The following SGIP1 variants were observed in gnomAD, a reference collection of about 807,000 sequenced individuals.
The protein encoded by SGIP1 is SH3-containing GRB2-like protein 3-interacting protein 1.
A neutral mutation model predicts 107.5 loss-of-function variants in SGIP1; 38 were observed. The observed-to-expected ratio is 0.35, with a 90% CI of 0.27 to 0.46. SGIP1 has a LOEUF of 0.46. Ranked by LOEUF, SGIP1 falls within the 20% of genes least tolerant of loss-of-function variation. The pLI, the probability that SGIP1 is intolerant of heterozygous loss-of-function variation, is 1.00. For synonymous variants in SGIP1, 365 were observed against 366.1 expected, an observed-to-expected ratio of 1.00 and a Z score of 0.03; for missense variants, 929 against 1,019.5, an observed-to-expected ratio of 0.91 and a Z score of 1.21.
chr1:66,637,349 C>T (rs17129226), intron 4 of SGIP1, among the ~76,000 whole-genome samples: 20,913 of 151,756 alleles, frequency 0.14, 1,491 homozygotes, highest in African/African-American at 0.16. Flanking sequence ...AGGCTCTGGC[C>T]TAACTTTAAC....
intron 17 of SGIP1, among the ~76,000 whole-genome samples, chr1:66,693,283 T>TAAATAAATAAATAAATAAAA (rs1466957413): frequency 1.3e-5 from 2 of 151,194 alleles, no homozygotes; most frequent in African/African-American, 4.8e-5. Context: ...AATAAATAAA[T>TAAATAAATAAATAAATAAAA]AAAAAACAGT....
rs144438967 is a variant in SGIP1, at chr1:66,700,770, C to T, written c.1630+5277C>T. Reference sequence around the variant, plus strand: ...ACCATACAGTGCTATAGAATACTAACATTTAGTCCTCCTATCTAGTTGTAA... The same window carrying T: ...ACCATACAGTGCTATAGAATACTAATATTTAGTCCTCCTATCTAGTTGTAA... On this transcript the variant is annotated intron_variant, in intron 18 of 24. Coordinates refer to ENST00000371037, the MANE Select transcript of SGIP1 (RefSeq NM_032291.4). Among the ~76,000 whole-genome samples the T allele has an allele frequency of 3.3e-3, 498 of 152,114 alleles. 3 individuals carry two copies. The highest frequency in any genetic ancestry group is 0.011 in the African/African-American group (470 of 41,510).
intron 8 of SGIP1, chr1:66,666,008 G>C (rs1166464368): frequency 6.6e-6 from 1 of 152,178 alleles, no homozygotes; most frequent in Non-Finnish European, 1.5e-5. Flanking sequence ...GGCTTTTGTT[G>C]TCATTACTTT....
At chr1:66,602,516 T>C (rs1483151874) in intron 1 of SGIP1, among the ~76,000 whole-genome samples, 3 of 152,172 alleles carry the variant, frequency 2.0e-5, no homozygotes, top group African/African-American at 7.2e-5. Flanking sequence ...ATGATTGTTA[T>C]GGAGAACAAA....
chr1:66,654,115 C>T lies in SGIP1; in HGVS notation c.460-6398C>T, dbSNP rs955104546. ...ATTGTCTGGGTGGATGGATGCACCA[C>T]GGGACATTATATAAAATGTATGCCG... On this transcript the variant is annotated intron_variant, in intron 7 of 24. Coordinates refer to ENST00000371037, the MANE Select transcript of SGIP1 (RefSeq NM_032291.4). 4.6e-5 allele frequency among the ~76,000 whole-genome samples: 7 copies of T among 152,066 alleles called. 1 individual carries two copies. In the South Asian group the frequency reaches 1.2e-3, roughly 27 times the overall value.
At chr1:66,542,560 G>A (rs1328877029) in intron 1 of SGIP1, among the ~76,000 whole-genome samples, 1 of 152,188 alleles carries the variant, frequency 6.6e-6, no homozygotes, top group Non-Finnish European at 1.5e-5. Flanking sequence ...AGGTAGTGTA[G>A]ACAGCGTGGA....
intron 1 of SGIP1, among the ~76,000 whole-genome samples, chr1:66,537,479 T>A (rs1422019146): frequency 6.6e-6 from 1 of 152,180 alleles, no homozygotes; most frequent in Non-Finnish European, 1.5e-5. Flanking sequence ...TAACTGGAAC[T>A]AAGTCAGAGT....
At chr1:66,732,439 CA>C (rs1479745246) in intron 20 of SGIP1, among the ~76,000 whole-genome samples, 1 of 152,116 alleles carries the variant, frequency 6.6e-6, no homozygotes, top group Non-Finnish European at 1.5e-5. Flanking sequence ...TGAAAAGGGG[CA>C]AAGTCTTAAG....
At chr1:66,666,768 CTGTT>C (rs1261045066) in intron 8 of SGIP1, 1 of 152,216 alleles carries the variant, frequency 6.6e-6, no homozygotes, top group Non-Finnish European at 1.5e-5. Context: ...ATTTGGCTCT[CTGTT>C]TGTCTGTTAT....
chr1:66,582,389 A>G (rs751707546), intron 1 of SGIP1, among the ~76,000 whole-genome samples: 3 of 152,062 alleles, frequency 2.0e-5, no homozygotes, highest in Non-Finnish European at 4.4e-5. Context: ...TACCAGGGAT[A>G]CTTTGTATGA....
intron 7 of SGIP1, among the ~76,000 whole-genome samples, chr1:66,657,242 G>A (rs897618325): frequency 2.0e-5 from 3 of 152,100 alleles, no homozygotes; most frequent in Non-Finnish European, 2.9e-5. Flanking sequence ...CTATTTTTAA[G>A]GTTCAATGAT....
chr1:66,718,858 C>G (rs1054919896), intron 18 of SGIP1, among the ~76,000 whole-genome samples: 1 of 151,976 alleles, frequency 6.6e-6, no homozygotes, highest in Non-Finnish European at 1.5e-5. Context: ...TAATGTGATA[C>G]CACTTGGCTG....
At chr1:66,647,014 C>T (rs1323513156) in intron 7 of SGIP1, among the ~76,000 whole-genome samples, 1 of 152,168 alleles carries the variant, frequency 6.6e-6, no homozygotes, top group Non-Finnish European at 1.5e-5. Context: ...GGTTTGCCAT[C>T]TGGTCAGGTT....
intron 1 of SGIP1, among the ~76,000 whole-genome samples, chr1:66,587,953 A>C (rs193024273): frequency 6.6e-5 from 10 of 152,258 alleles, no homozygotes; most frequent in Non-Finnish European, 8.8e-5. Context: ...TATTACTTGC[A>C]CTTTTTGCTT....
chr1:66,638,729 C>T (rs934341439), intron 4 of SGIP1, among the ~76,000 whole-genome samples: 3 of 152,152 alleles, frequency 2.0e-5, no homozygotes, highest in African/African-American at 7.2e-5. Flanking sequence ...TATGTGCACA[C>T]ATAAAAATCT....
At chr1:66,680,360 A>G (rs544966409) in intron 14 of SGIP1, among the ~76,000 whole-genome samples, 3 of 152,354 alleles carry the variant, frequency 2.0e-5, no homozygotes, top group African/African-American at 7.2e-5. Context: ...CTATGTATTC[A>G]TACAATTTAT....
intron 15 of SGIP1, among the ~76,000 whole-genome samples, chr1:66,683,148 A>G (rs1395460591): frequency 6.6e-6 from 1 of 152,200 alleles, no homozygotes; most frequent in Non-Finnish European, 1.5e-5. Flanking sequence ...ATGAAAGTAT[A>G]GTAACACCTA....
chr1:66,683,099 CTT>C (rs957565914), intron 15 of SGIP1, among the ~76,000 whole-genome samples: 3 of 152,138 alleles, frequency 2.0e-5, no homozygotes, highest in Non-Finnish European at 2.9e-5. Flanking sequence ...ACTGAATTTT[CTT>C]TTGCTTATTT....
At chr1:66,589,208 A>G (rs373924157) in intron 1 of SGIP1, among the ~76,000 whole-genome samples, 3,765 of 87,476 alleles carry the variant, frequency 0.043, 315 homozygotes, top group African/African-American at 0.077. Flanking sequence ...ATATATATAT[A>G]TATATATATG....
Sources: gnomAD v4.1 joint callset for allele counts (sites outside exome capture counted in the v4.1 genomes callset) on GRCh38, gnomAD v4.1.1 for gene constraint, MANE v1.5 for transcripts, NCBI Gene and HGNC (gene_info 2026-07-23, HGNC 2026-07-21) for gene names.